Variants in FAM171A1 observed in about 807,000 individuals in gnomAD.
The protein encoded by FAM171A1 is protein FAM171A1.
FAM171A1 carries 23 observed loss-of-function variants against 74.9 expected under a neutral mutation model. The ratio of observed to expected loss-of-function variants is 0.31; its 90% CI spans 0.22 to 0.44. FAM171A1 has a LOEUF of 0.44. Ranked by LOEUF, FAM171A1 falls within the 20% of genes least tolerant of loss-of-function variation. FAM171A1 has a pLI of 1.00. For missense variants in FAM171A1, 1,162 were observed against 1,159.2 expected, an observed-to-expected ratio of 1.00 and a Z score of -0.03; for synonymous variants, 527 against 505.7, an observed-to-expected ratio of 1.04 and a Z score of -0.57.
chr10:15,213,041 G>T lies in FAM171A1; in HGVS notation c.2547C>A (p.Ser849Arg). The T allele has an allele frequency of 6.2e-7, 1 of 1,613,874 alleles. No individual in the cohort carries two copies. Among genetic ancestry groups the T allele is most frequent in the South Asian group, 1.1e-5 (1 of 91,076 alleles). Residue 849 changes from serine (S) to arginine (R), a missense_variant, in exon 8 of 8, where the codon AGC becomes AGA. Coordinates refer to ENST00000378116, the MANE Select transcript of FAM171A1 (RefSeq NM_001010924.2). The surrounding 1 kb of genome is among the most constrained non-coding windows in gnomAD (Gnocchi z 6.8). ...CGTGGGCAGATCTTCTCTGGTGGGGGCTGGCTGCTGGCTCCGAGGGGGCAT... is the reference window on the plus strand; with the variant it reads ...CGTGGGCAGATCTTCTCTGGTGGGGTCTGGCTGCTGGCTCCGAGGGGGCAT... Reference protein sequence around the residue: ...TADAPSEPAASPHQRRSAHEE... With the variant: ...TADAPSEPAARPHQRRSAHEE...
In FAM171A1 at chr10:15,371,173, G is replaced by T. The variant is rs1836142850; in HGVS notation, c.-121C>A. ...GCTGGCTCCGCGCGCCGGGCCCGCC[G>T]CCCGATTGGCCCGGCCCCGCCGCCC... is the stretch of plus-strand genomic sequence containing the variant. On this transcript the variant is annotated 5_prime_UTR_variant, in exon 1 of 8. Transcript: ENST00000378116. 5.0e-6 allele frequency: 1 copy of T among 201,128 alleles called. No homozygotes were observed. The highest frequency in any genetic ancestry group is 8.5e-6 in the Non-Finnish European group (1 of 117,602). 12.5% of individuals were successfully genotyped at this position (201,128 alleles called of 1,614,324 possible).
intron 1 of FAM171A1, among the ~76,000 whole-genome samples, chr10:15,370,364 G>A (rs887193185): frequency 2.6e-5 from 4 of 151,700 alleles, no homozygotes; most frequent in Non-Finnish European, 5.9e-5. Context: ...CGTCAGATAG[G>A]CAGGGGGAGA....
At position 15,214,468 on chromosome 10, in the gene FAM171A1, G is replaced by T. The variant is rs1000170892; in HGVS notation, c.1120C>A (p.Pro374Thr). The T allele has an allele frequency of 1.2e-6, 2 of 1,614,190 alleles. No individual in the cohort carries two copies. Among genetic ancestry groups the T allele is most frequent in the African/African-American group, 1.3e-5 (1 of 75,038 alleles). ...LLFSRRASEF[P>T]GPLSVTSHGR... ...TGGCTGGTGACGGACAGCGGGCCAG[G>T]GAATTCTGACGCTCGGCGTGAAAAC... Residue 374 changes from proline to threonine, a missense_variant, in exon 8 of 8, where the codon CCT becomes ACT. Coordinates refer to ENST00000378116, the MANE Select transcript of FAM171A1 (RefSeq NM_001010924.2).
chr10:15,302,086 T>C (rs1158029225), intron 1 of FAM171A1, among the ~76,000 whole-genome samples: 1 of 152,166 alleles, frequency 6.6e-6, no homozygotes, highest in Non-Finnish European at 1.5e-5. Context: ...GATTGCCCTT[T>C]TCCCTTAGTA....
At chr10:15,371,462 C>T (rs1275784503), upstream of FAM171A1, among the ~76,000 whole-genome samples, 1 of 151,484 alleles carries the variant, frequency 6.6e-6, no homozygotes, top group Admixed American at 6.6e-5. Flanking sequence ...CCCGCAGCCC[C>T]GCAGAAGAGC....
intron 1 of FAM171A1, 82 bp from the exon 2 acceptor site, chr10:15,284,187 T>TCATACCATCACA: frequency 7.8e-7 from 1 of 1,285,896 alleles, no homozygotes; most frequent in South Asian, 1.3e-5. Flanking sequence ...TGATGGGAAG[T>TCATACCATCACA]GGAAGGAGGG....
At chr10:15,362,641 T>A (rs1044516304) in intron 1 of FAM171A1, among the ~76,000 whole-genome samples, 1 of 152,240 alleles carries the variant, frequency 6.6e-6, no homozygotes, top group African/African-American at 2.4e-5. Context: ...GGGGAATCTC[T>A]TGAACCCAGG....
At chr10:15,234,908 T>A (rs1234502242) in intron 5 of FAM171A1, among the ~76,000 whole-genome samples, 1 of 152,094 alleles carries the variant, frequency 6.6e-6, no homozygotes, top group Non-Finnish European at 1.5e-5. Flanking sequence ...GTGATCCGCC[T>A]GCCTCGGCCC....
At chr10:15,281,919 T>C (rs1834975547) in intron 2 of FAM171A1, among the ~76,000 whole-genome samples, 1 of 152,192 alleles carries the variant, frequency 6.6e-6, no homozygotes, top group South Asian at 2.1e-4. Context: ...ATGACCATGT[T>C]AACAGAGTCA....
intron 1 of FAM171A1, among the ~76,000 whole-genome samples, chr10:15,304,470 A>T (rs1835269722): frequency 6.6e-6 from 1 of 152,108 alleles, no homozygotes; most frequent in Non-Finnish European, 1.5e-5. Context: ...GGTACCAGTC[A>T]ACTGGGGTGA....
intron 4 of FAM171A1, among the ~76,000 whole-genome samples, chr10:15,249,705 C>T (rs1834484275): frequency 6.6e-6 from 1 of 152,072 alleles, no homozygotes; most frequent in Non-Finnish European, 1.5e-5. Context: ...ATTTTAATTG[C>T]CATTGTTATT....
At chr10:15,341,830 G>A (rs1035084770) in intron 1 of FAM171A1, among the ~76,000 whole-genome samples, 13 of 152,188 alleles carry the variant, frequency 8.5e-5, no homozygotes, top group Non-Finnish European at 1.8e-4. Context: ...TCACTGCCTA[G>A]ACAGAGGGAG....
Position 15,250,519 on chromosome 10 carries a change from T to G in FAM171A1, c.578-1704A>C, listed in dbSNP as rs575352749. 2.6e-5 allele frequency among the ~76,000 whole-genome samples: 4 copies of G among 152,334 alleles called. No individual in the cohort carries two copies. In the South Asian group the frequency reaches 8.3e-4, roughly 32 times the overall value. ...GCGCATGCCTGTAATACTGGCACTT[T>G]GGGAGGCCGAGGCAGGTTGCTTGAG... On this transcript the variant is annotated intron_variant, in intron 4 of 7. Transcript: ENST00000378116.
intron 1 of FAM171A1, among the ~76,000 whole-genome samples, chr10:15,343,284 G>A (rs1025463788): frequency 5.3e-5 from 8 of 152,180 alleles, no homozygotes; most frequent in East Asian, 1.9e-4. Context: ...TGGGAGGATC[G>A]CTTGAGCCCA....
intron 1 of FAM171A1, among the ~76,000 whole-genome samples, chr10:15,346,886 T>G (rs1387571989): frequency 6.6e-6 from 1 of 152,138 alleles, no homozygotes; most frequent in Admixed American, 6.5e-5. Context: ...ACTGGAGAAT[T>G]CCACCGCTTT....
intron 2 of FAM171A1, among the ~76,000 whole-genome samples, chr10:15,283,272 A>G (rs1266890218): frequency 2.0e-5 from 3 of 152,206 alleles, no homozygotes; most frequent in African/African-American, 7.2e-5. Context: ...CTCTGTCACC[A>G]GCTGAAAACC....
chr10:15,356,405 T>C (rs933077275), intron 1 of FAM171A1, among the ~76,000 whole-genome samples: 1 of 152,204 alleles, frequency 6.6e-6, no homozygotes, highest in East Asian at 1.9e-4. Flanking sequence ...CAGTTTCTTA[T>C]GAAAGGGAAC....
chr10:15,371,138 C>A lies in FAM171A1; in HGVS notation c.-86G>T, dbSNP rs956712957. 21 of 486,204 alleles carry A rather than the reference C, an allele frequency of 4.3e-5. No individual in the cohort carries two copies. In the South Asian group the frequency reaches 5.6e-4, roughly 13 times the overall value. The allele number at this position is 486,204 out of a possible 1,614,324, so 30.1% of individuals were successfully genotyped here. A position where few individuals can be genotyped will look rare whatever the true frequency, so the allele number is the denominator to read the frequency against. On this transcript the variant is annotated 5_prime_UTR_variant, in exon 1 of 8. Transcript: ENST00000378116. ...CACGGGCGGCCGGGCGCCGCGCCCCCCTCCATGTCGCTGGCTCCGCGCGCC... is the reference window on the plus strand; with the variant it reads ...CACGGGCGGCCGGGCGCCGCGCCCCACTCCATGTCGCTGGCTCCGCGCGCC...
intron 1 of FAM171A1, among the ~76,000 whole-genome samples, chr10:15,327,521 C>T (rs913780896): frequency 3.3e-5 from 5 of 152,080 alleles, no homozygotes; most frequent in South Asian, 2.1e-4. Context: ...CGTGCTAGCA[C>T]GTGCCTATAA....
Sources: gnomAD v4.1 joint callset for allele counts (sites outside exome capture counted in the v4.1 genomes callset) on GRCh38, gnomAD v4.1.1 for gene constraint, Gnocchi (gnomAD v3.1) non-coding constraint, MANE v1.5 for transcripts, NCBI Gene and HGNC (gene_info 2026-07-23, HGNC 2026-07-21) for gene names.